UBE2E3: variants seen among roughly 807,000 people sequenced by gnomAD.
The protein encoded by UBE2E3 is ubiquitin-conjugating enzyme E2 E3.
Under a neutral mutation model 23.6 loss-of-function variants are expected in UBE2E3, and 5 were observed. The observed-to-expected ratio is 0.21, with a 90% CI of 0.11 to 0.44. The LOEUF is 0.44. Among genes scored for constraint, UBE2E3 ranks in the 20% least tolerant of loss-of-function variants. The pLI is 0.99. For missense variants in UBE2E3, 81 were observed against 249.8 expected, an observed-to-expected ratio of 0.32 and a Z score of 4.55; for synonymous variants, 78 against 87.5, an observed-to-expected ratio of 0.89 and a Z score of 0.60.
At chr2:181,031,574 G>C (rs1686078403) in intron 3 of UBE2E3, among the ~76,000 whole-genome samples, 1 of 151,982 alleles carries the variant, frequency 6.6e-6, no homozygotes, top group South Asian at 2.1e-4. Flanking sequence ...TATGATAGGG[G>C]TTTGTTACTA....
intron 3 of UBE2E3, among the ~76,000 whole-genome samples, chr2:181,035,020 G>A (rs1170552442): frequency 6.6e-6 from 1 of 152,130 alleles, no homozygotes; most frequent in Non-Finnish European, 1.5e-5. Context: ...TAGATAAATG[G>A]CAAAATCCGC....
At chr2:181,034,063 T>C (rs1183385452) in intron 3 of UBE2E3, among the ~76,000 whole-genome samples, 1 of 152,178 alleles carries the variant, frequency 6.6e-6, no homozygotes, top group African/African-American at 2.4e-5. Flanking sequence ...ATAGGAACAC[T>C]TTTACACTGT....
chr2:181,030,589 A>AT (rs753634049), intron 3 of UBE2E3, among the ~76,000 whole-genome samples: 5 of 151,934 alleles, frequency 3.3e-5, no homozygotes, highest in Admixed American at 1.3e-4. Context: ...AAAAAAAATT[A>AT]TTTTTTTATT....
intron 2 of UBE2E3, among the ~76,000 whole-genome samples, chr2:180,982,456 G>A (rs898205492): frequency 6.6e-6 from 1 of 152,224 alleles, no homozygotes; most frequent in African/African-American, 2.4e-5. Flanking sequence ...GGTAACTTCA[G>A]TTAAGAGTGT....
At chr2:180,984,135 A>G (rs766145547) in intron 3 of UBE2E3, 42 bp downstream of exon 3, 4 of 1,530,102 alleles carry the variant, frequency 2.6e-6, no homozygotes, top group Admixed American at 3.4e-5. Context: ...AATTGTGGAA[A>G]AATACCAAGA....
chr2:181,055,849 T>TA (rs2105478246), intron 3 of UBE2E3, among the ~76,000 whole-genome samples: 1 of 151,852 alleles, frequency 6.6e-6, no homozygotes, highest in South Asian at 2.1e-4. Flanking sequence ...TGAGTCGTCT[T>TA]ACCAACAAGT....
chr2:181,017,758 G>C (rs1685542147), intron 3 of UBE2E3, among the ~76,000 whole-genome samples: 1 of 147,378 alleles, frequency 6.8e-6, no homozygotes, highest in Non-Finnish European at 1.5e-5. Context: ...GTAATAGTTA[G>C]ATCTAGTATG....
chr2:180,987,387 T>A, intron 3 of UBE2E3: 1 of 1,549,996 alleles, frequency 6.5e-7, no homozygotes, highest in South Asian at 1.2e-5. Context: ...CAGCGAAAGT[T>A]TAGAAAGGTA....
At position 180,983,946 on chromosome 2, in the gene UBE2E3, T is replaced by C. The variant is rs1232050580; in HGVS notation, c.195-97T>C. 23 of 920,218 alleles carry C rather than the reference T, an allele frequency of 2.5e-5. 1 individual carries two copies. In the South Asian group the frequency reaches 4.7e-4, roughly 19 times the overall value. 57.0% of individuals were successfully genotyped at this position (920,218 alleles called of 1,614,324 possible). On this transcript the variant is annotated intron_variant, in intron 2 of 5. Transcript: ENST00000410062. ...AGCATTACTGAAGGCAGAGCCAGCC[T>C]TGCATTTAACTGCATGGTGGTAGAG...
In UBE2E3 at chr2:181,038,441, A is replaced by T. The variant is rs78291276; in HGVS notation, c.246-19252A>T. 1.4e-3 allele frequency among the ~76,000 whole-genome samples: 210 copies of T among 152,368 alleles called. 3 individuals carry two copies. In the East Asian group the frequency reaches 0.039, roughly 28 times the overall value. On this transcript the variant is annotated intron_variant, in intron 3 of 5. Transcript: ENST00000410062. Reference sequence around the variant, plus strand: ...TGAGGTCATATTCTTGTTGTTAAACATTAAGTGACACATGACCATACAAAA... The same window carrying T: ...TGAGGTCATATTCTTGTTGTTAAACTTTAAGTGACACATGACCATACAAAA...
chr2:180,988,673 A>C (rs77653666), intron 3 of UBE2E3, among the ~76,000 whole-genome samples: 6,433 of 152,196 alleles, frequency 0.042, 197 homozygotes, highest in African/African-American at 0.078. Context: ...ACTAAGGAGA[A>C]ATTTTGAAAG....
At chr2:180,982,942 A>G (rs188674559) in intron 2 of UBE2E3, among the ~76,000 whole-genome samples, 40 of 152,280 alleles carry the variant, frequency 2.6e-4, no homozygotes, top group African/African-American at 8.7e-4. Flanking sequence ...TTAATACTCA[A>G]CAGCAGGAGA....
At chr2:181,050,730 G>A (rs184391105) in intron 3 of UBE2E3, among the ~76,000 whole-genome samples, 120 of 151,816 alleles carry the variant, frequency 7.9e-4, no homozygotes, top group African/African-American at 2.6e-3. Context: ...TTTCTGGCTC[G>A]GTTTCTCATC....
At chr2:180,999,948 A>G (rs1019728606) in intron 3 of UBE2E3, among the ~76,000 whole-genome samples, 1 of 152,266 alleles carries the variant, frequency 6.6e-6, no homozygotes, top group Non-Finnish European at 1.5e-5. Flanking sequence ...TGAAAAATGA[A>G]GTATTAAAAC....
intron 3 of UBE2E3, among the ~76,000 whole-genome samples, chr2:181,024,134 G>T (rs1257020870): frequency 6.6e-6 from 1 of 152,046 alleles, no homozygotes; most frequent in Non-Finnish European, 1.5e-5. Context: ...TGAGCCAAAA[G>T]TTCATATGAA....
At chr2:180,990,299 TACATAGGA>T (rs1684617222) in intron 3 of UBE2E3, among the ~76,000 whole-genome samples, 2 of 152,224 alleles carry the variant, frequency 1.3e-5, no homozygotes, top group South Asian at 4.1e-4. Context: ...TACCCTGTAA[TACATAGGA>T]CAGACCCCCA....
intron 3 of UBE2E3, among the ~76,000 whole-genome samples, chr2:180,995,047 A>C (rs928587168): frequency 2.0e-5 from 3 of 152,184 alleles, no homozygotes; most frequent in African/African-American, 7.2e-5. Context: ...TAGTGTTGCA[A>C]GTATCTTCTT....
At chr2:181,015,456 A>T (rs1293679485) in intron 3 of UBE2E3, among the ~76,000 whole-genome samples, 1 of 152,166 alleles carries the variant, frequency 6.6e-6, no homozygotes, top group Non-Finnish European at 1.5e-5. Context: ...TTTTTGCAAT[A>T]AAGACTAACA....
intron 3 of UBE2E3, among the ~76,000 whole-genome samples, chr2:181,003,446 C>A (rs184356117): frequency 6.8e-6 from 1 of 146,734 alleles, no homozygotes; most frequent in African/African-American, 2.5e-5. Flanking sequence ...TTATTTATGT[C>A]TACTTTTGAA....
Sources: allele counts gnomAD v4.1 joint callset (sites outside exome capture counted in the v4.1 genomes callset), GRCh38; gene constraint gnomAD v4.1.1; transcripts MANE v1.5; gene names NCBI Gene and HGNC (gene_info 2026-07-23, HGNC 2026-07-21).